DGKD: variants seen among roughly 807,000 people sequenced by gnomAD.
DGKD encodes the protein DAG kinase delta.
DGKD carries 68 observed loss-of-function variants against 154.4 expected under a neutral mutation model. That is an observed-to-expected ratio of 0.44 (90% CI 0.36 to 0.54). DGKD has a LOEUF of 0.54. Among genes scored for constraint, DGKD ranks in the 20% least tolerant of loss-of-function variants. The pLI, the probability that DGKD is intolerant of heterozygous loss-of-function variation, is 0.00. For synonymous variants in DGKD, 693 were observed against 638.0 expected (o/e 1.09, Z -1.30); for missense variants, 1,343 against 1,593.6 (o/e 0.84, Z 2.68).
chr2:233,451,873 G>A, intron 17 of DGKD, 91 bp from the exon 18 acceptor site: 1 of 1,071,080 alleles, frequency 9.3e-7, no homozygotes. Context: ...ACGTTCTGCA[G>A]AATACCGGTC....
At position 233,446,790 on chromosome 2, in the gene DGKD, T is replaced by G. The variant is rs1244356155; in HGVS notation, c.1413T>G (p.Asp471Glu). 2 of 1,614,192 alleles carry G rather than the reference T, an allele frequency of 1.2e-6. No homozygotes were observed. The highest frequency in any genetic ancestry group is 1.7e-6 in the Non-Finnish European group (2 of 1,180,014). ...CCGTCACCGAAGACTTCAGCGAGGA[T>G]TCCGAGGTATTGCTGGCCTGTTCTT... Reference protein sequence around the residue: ...SSTVTEDFSEDSEVQQILFYE... With the variant: ...SSTVTEDFSEESEVQQILFYE... The change falls in exon 12 of 30, where the codon GAT becomes GAG. Residue 471 changes from aspartate (D) to glutamate (E), a missense_variant. Around this residue, in one of 6 missense-constraint regions of DGKD, gnomAD observed 409 missense variants for 446.0 expected, o/e 0.92. Transcript: ENST00000264057.
Position 233,449,887 on chromosome 2 carries a change from G to A in DGKD, c.1889-95G>A, listed in dbSNP as rs902313049. 13 of 1,422,636 alleles carry A rather than the reference G, an allele frequency of 9.1e-6. No homozygotes were observed. The East Asian group carries it at 3.1e-4, about 34-fold the overall frequency. 88.1% of individuals were successfully genotyped at this position (1,422,636 alleles called of 1,614,324 possible). A position where few individuals can be genotyped will look rare whatever the true frequency, so the allele number is the denominator to read the frequency against. On this transcript the variant is annotated intron_variant, in intron 15 of 29. Transcript: ENST00000264057. The surrounding 1 kb of genome is among the most constrained non-coding windows in gnomAD (Gnocchi z 5.3). ...GCCAGAGGTTGTTTGAGGAAGATCA[G>A]GCCGTGGGGTGAGGATGAGGGGCCC...
At chr2:233,390,686 G>A (rs1703539917) in intron 3 of DGKD, among the ~76,000 whole-genome samples, 1 of 152,184 alleles carries the variant, frequency 6.6e-6, no homozygotes, top group Admixed American at 6.5e-5. Flanking sequence ...AGCACAAAAG[G>A]ACAATAGGGA....
rs1189575529 is a variant in DGKD, at chr2:233,445,854, C to T, written c.1334+92C>T. 2 of 1,395,908 alleles carry T rather than the reference C, an allele frequency of 1.4e-6. No individual in the cohort carries two copies. The highest frequency in any genetic ancestry group is 1.5e-5 in the South Asian group (1 of 64,796). 86.5% of individuals were successfully genotyped at this position (1,395,908 alleles called of 1,614,324 possible). ...TTCTTAACCTGGGGTCTGTGGAAAA[C>T]ATGGGCCCTCTGAAATTATTTGTAA... On this transcript the variant is annotated intron_variant, in intron 11 of 29. Transcript: ENST00000264057. This position sits in a 1 kb window ranked among gnomAD's most constrained non-coding sequence, Gnocchi z 5.5.
intron 3 of DGKD, among the ~76,000 whole-genome samples, chr2:233,414,118 G>A (rs1373891465): frequency 6.6e-6 from 1 of 152,172 alleles, no homozygotes; most frequent in Non-Finnish European, 1.5e-5. Context: ...TTCCTGGACA[G>A]ATTACAAATG....
At chr2:233,401,152 G>A (rs1190628280) in intron 3 of DGKD, among the ~76,000 whole-genome samples, 1 of 151,998 alleles carries the variant, frequency 6.6e-6, no homozygotes, top group Non-Finnish European at 1.5e-5. Context: ...GCGAGTCACA[G>A]GACAGCTCGA....
chr2:233,388,477 G>T, intron 2 of DGKD, 110 bp downstream of exon 2: 3 of 1,034,620 alleles, frequency 2.9e-6, no homozygotes, highest in Non-Finnish European at 2.8e-6. Flanking sequence ...TCTCAGATCT[G>T]TTATTGCCAG....
In DGKD at chr2:233,449,741, A is replaced by G. The variant is rs984265377; in HGVS notation, c.1889-241A>G. 6.6e-6 allele frequency among the ~76,000 whole-genome samples: 1 copy of G among 152,036 alleles called. No individual in the cohort carries two copies. Among genetic ancestry groups the G allele is most frequent in the African/African-American group, 2.4e-5 (1 of 41,394 alleles). ...TCCAGCCTGCGCCAGGCTCCTCTGC[A>G]TCCCTTGCCTTCCCCTGCAAGGGTT... On this transcript the variant is annotated intron_variant, in intron 15 of 29. Coordinates refer to ENST00000264057, the MANE Select transcript of DGKD (RefSeq NM_152879.3). This position sits in a 1 kb window ranked among gnomAD's most constrained non-coding sequence, Gnocchi z 5.3.
intron 1 of DGKD, among the ~76,000 whole-genome samples, chr2:233,362,905 A>G (rs1384699431): frequency 6.6e-6 from 1 of 152,200 alleles, no homozygotes; most frequent in African/African-American, 2.4e-5. Context: ...TTGTAGGGCA[A>G]TGAATTACCT....
At chr2:233,431,020 G>A (rs1274851798) in intron 3 of DGKD, among the ~76,000 whole-genome samples, 1 of 152,168 alleles carries the variant, frequency 6.6e-6, no homozygotes, top group Non-Finnish European at 1.5e-5. Flanking sequence ...TATCCAAATT[G>A]GAAAGGAAGA....
At chr2:233,437,283 C>A in intron 7 of DGKD, 94 bp from the exon 8 acceptor site, 3 of 1,185,654 alleles carry the variant, frequency 2.5e-6, no homozygotes, top group South Asian at 2.7e-5. Context: ...ACCTGCCTCC[C>A]CCGAGGCCAG....
chr2:233,370,017 G>A (rs1367175694), intron 1 of DGKD, among the ~76,000 whole-genome samples: 1 of 152,120 alleles, frequency 6.6e-6, no homozygotes, highest in Middle Eastern at 3.4e-3. Flanking sequence ...ATTTTAAAGT[G>A]CACAGTTAAG....
At chr2:233,433,853 A>T (rs2062607965) in intron 3 of DGKD, among the ~76,000 whole-genome samples, 1 of 152,062 alleles carries the variant, frequency 6.6e-6, no homozygotes, top group Admixed American at 6.6e-5. Flanking sequence ...TCATTTGTTG[A>T]TTATTACCAG....
chr2:233,386,027 G>C (rs761875028), intron 1 of DGKD: 1 of 468,434 alleles, frequency 2.1e-6, no homozygotes, highest in Admixed American at 2.4e-5. Flanking sequence ...ATGTGGTGCA[G>C]TGAGTTGTGT....
chr2:233,398,096 A>T (rs1458438101), intron 3 of DGKD, among the ~76,000 whole-genome samples: 1 of 100,030 alleles, frequency 1.0e-5, no homozygotes, highest in Non-Finnish European at 1.8e-5. Flanking sequence ...CCCACCCCCG[A>T]TTTTGGCATA....
intron 1 of DGKD, among the ~76,000 whole-genome samples, chr2:233,378,422 A>AC (rs1180905858): frequency 6.6e-6 from 1 of 151,440 alleles, no homozygotes; most frequent in Non-Finnish European, 1.5e-5. Flanking sequence ...AAAAAAAAAA[A>AC]AAAAACTTGT....
Position 233,390,373 on chromosome 2 carries a change from G to T in DGKD, c.268-30G>T, listed in dbSNP as rs370713887. Reference sequence around the variant, plus strand: ...CTTAGGGATGTACCTGTCTTTATGTGCCTTAGTCCCTGTGTTTGTCTCTTT... The same window carrying T: ...CTTAGGGATGTACCTGTCTTTATGTTCCTTAGTCCCTGTGTTTGTCTCTTT... On this transcript the variant is annotated intron_variant, in intron 2 of 29. Transcript: ENST00000264057. 6 of 1,591,228 alleles carry T rather than the reference G, an allele frequency of 3.8e-6. No individual in the cohort carries two copies. The African/African-American group carries it at 6.7e-5, about 18-fold the overall frequency.
chr2:233,394,038 G>GT (rs537214238), intron 3 of DGKD, among the ~76,000 whole-genome samples: 41 of 152,226 alleles, frequency 2.7e-4, no homozygotes, highest in Admixed American at 1.4e-3. Context: ...TTATGATCTT[G>GT]TTTTTTATCG....
At chr2:233,391,543 C>T (rs1273008359) in intron 3 of DGKD, among the ~76,000 whole-genome samples, 2 of 152,156 alleles carry the variant, frequency 1.3e-5, no homozygotes, top group Non-Finnish European at 2.9e-5. Context: ...CTGACTTTAG[C>T]GCCTGCCTGT....
Sources: allele counts gnomAD v4.1 joint callset (sites outside exome capture counted in the v4.1 genomes callset), GRCh38; gene constraint gnomAD v4.1.1; regional missense constraint gnomAD v4.1.1; non-coding constraint Gnocchi (gnomAD v3.1); transcripts MANE v1.5; gene names NCBI Gene and HGNC (gene_info 2026-07-23, HGNC 2026-07-21).